Variants in ASB16 observed in about 807,000 individuals in gnomAD.
ASB16 encodes the protein ankyrin repeat and SOCS box protein 16.
Under a neutral mutation model 39.1 loss-of-function variants are expected in ASB16, and 44 were observed. The ratio of observed to expected loss-of-function variants is 1.13; its 90% CI spans 0.88 to 1.45. ASB16 has a LOEUF of 1.45. Among genes scored for constraint, ASB16 ranks in the 40% most tolerant of loss-of-function variants. The pLI, the probability that ASB16 is intolerant of heterozygous loss-of-function variation, is 0.00. For synonymous variants in ASB16, 305 were observed against 286.7 expected (o/e 1.06, Z -0.64); for missense variants, 698 against 634.5 (o/e 1.10, Z -1.07).
rs1241388928 is a variant in ASB16, at chr17:44,172,091, C to G, written c.347C>G (p.Ala116Gly). 6.2e-7 allele frequency: 1 copy of G among 1,611,866 alleles called. No individual in the cohort carries two copies. Among genetic ancestry groups the G allele is most frequent in the South Asian group, 1.1e-5 (1 of 91,024 alleles). Residue 116 changes from alanine to glycine, a missense_variant, in exon 2 of 5, where the codon GCC (alanine) becomes GGC (glycine). Transcript: ENST00000293414. ...TPKTKQTAPLAIATARGYTDC... is the reference protein window; with the variant it reads ...TPKTKQTAPLGIATARGYTDC... ...AAGACCAAGCAGACGGCACCCCTCGCCATCGCTACAGCCCGAGGCTACACA... is the reference window on the plus strand; with the variant it reads ...AAGACCAAGCAGACGGCACCCCTCGGCATCGCTACAGCCCGAGGCTACACA...
chr17:44,170,713 C>G lies in ASB16; in HGVS notation c.-77C>G. 6.8e-7 allele frequency: 1 copy of G among 1,478,814 alleles called. No individual in the cohort carries two copies. The highest frequency in any genetic ancestry group is 9.1e-7 in the Non-Finnish European group (1 of 1,100,840). 91.6% of individuals were successfully genotyped at this position (1,478,814 alleles called of 1,614,324 possible). A position where few individuals can be genotyped will look rare whatever the true frequency, so the allele number is the denominator to read the frequency against. ...CGGTGGCGGGGGCAGGGTGGCTCCTCAGAGCAAGGGAGGTAGTCGGGTCGA... is the reference window on the plus strand; with the variant it reads ...CGGTGGCGGGGGCAGGGTGGCTCCTGAGAGCAAGGGAGGTAGTCGGGTCGA... On this transcript the variant is annotated 5_prime_UTR_variant, in exon 1 of 5. Transcript: ENST00000293414.
intron 4 of ASB16, among the ~76,000 whole-genome samples, 188 bp from the exon 5 acceptor site, chr17:44,178,017 C>A (rs186887502): frequency 1.3e-5 from 2 of 151,826 alleles, no homozygotes; most frequent in East Asian, 3.9e-4. Context: ...ATAGTGGAGA[C>A]CCTTCCCTGA....
intron 2 of ASB16, among the ~76,000 whole-genome samples, chr17:44,175,400 TAAAAAAAAAAA>T (rs10583057): frequency 1.8e-5 from 1 of 56,258 alleles, no homozygotes; most frequent in African/African-American, 6.9e-5. Flanking sequence ...AGACTCCATC[TAAAAAAAAAAA>T]AAAAAAAAAA....
Position 44,177,014 on chromosome 17 carries a change from C to G in ASB16, c.846C>G (p.Arg282=), listed in dbSNP as rs375636137. The change falls in exon 3 of 5, where the codon CGC becomes CGG. Residue 282 remains arginine (R), a synonymous_variant. Coordinates refer to ENST00000293414, the MANE Select transcript of ASB16 (RefSeq NM_080863.5). ...GAGCTGATGCCCGGGCGGCCGGGCG[C>G]AAGCGCCACACGCCGCTGCACAACG... ...EAGADARAAG[R]KRHTPLHNAC... The G allele has an allele frequency of 6.0e-5, 90 of 1,489,964 alleles. 1 individual carries two copies. In the East Asian group the frequency reaches 2.1e-3, roughly 36 times the overall value. 92.3% of individuals were successfully genotyped at this position (1,489,964 alleles called of 1,614,324 possible).
Position 44,178,830 on chromosome 17 carries a change from TC to T in ASB16, c.*441del, listed in dbSNP as rs1226819834. On this transcript the variant is annotated 3_prime_UTR_variant, in exon 5 of 5. Transcript: ENST00000293414. ...GGTCCACCTCACTCCTCCATGGGCT[TC>T]TTGAGACACCTGCTGACCTCTAGCC... 1 of 173,166 alleles carries T rather than the reference TC, an allele frequency of 5.8e-6. No individual in the cohort carries two copies. The allele number at this position is 173,166 out of a possible 1,614,324, so 10.7% of individuals were successfully genotyped here.
chr17:44,177,267 TG>T, intron 3 of ASB16, 37 bp downstream of exon 3: 1 of 1,496,364 alleles, frequency 6.7e-7, no homozygotes, highest in Non-Finnish European at 8.9e-7. Context: ...GGCTCCTGTG[TG>T]GGGGAGCCCG....
Position 44,170,734 on chromosome 17 carries a change from G to T in ASB16, c.-56G>T. The T allele has an allele frequency of 6.6e-7, 1 of 1,521,754 alleles. No homozygotes were observed. Among genetic ancestry groups the T allele is most frequent in the Non-Finnish European group, 8.8e-7 (1 of 1,133,928 alleles). 94.3% of individuals were successfully genotyped at this position (1,521,754 alleles called of 1,614,324 possible). A position where few individuals can be genotyped will look rare whatever the true frequency, so the allele number is the denominator to read the frequency against. The stretch of plus-strand genomic sequence containing the variant: ...TCCTCAGAGCAAGGGAGGTAGTCGG[G>T]TCGAGGGAACCTGGCTCTGCCCAGG... On this transcript the variant is annotated 5_prime_UTR_variant, in exon 1 of 5. Transcript: ENST00000293414.
chr17:44,172,262 C>A lies in ASB16; in HGVS notation c.518C>A (p.Thr173Asn), dbSNP rs151040840. 2.5e-6 allele frequency: 4 copies of A among 1,613,692 alleles called. No individual in the cohort carries two copies. In the African/African-American group the frequency reaches 5.3e-5, roughly 22 times the overall value. ...LTFGAKANVL[T>N]EEGTTPLHLC... ...TTCGGAGCCAAGGCTAATGTGCTGA[C>A]TGAGGAGGGCACGACTCCTTTGCAC... is the stretch of plus-strand genomic sequence containing the variant. The change falls in exon 2 of 5, where the codon ACT becomes AAT. Residue 173 changes from threonine to asparagine, a missense_variant. Transcript: ENST00000293414.
chr17:44,175,399 CTA>C (rs1491378127), intron 2 of ASB16, among the ~76,000 whole-genome samples: 1 of 53,816 alleles, frequency 1.9e-5, no homozygotes, highest in African/African-American at 1.2e-4. Flanking sequence ...GAGACTCCAT[CTA>C]AAAAAAAAAA....
chr17:44,177,502 C>T, intron 3 of ASB16, 107 bp from the exon 4 acceptor site: 3 of 1,405,410 alleles, frequency 2.1e-6, no homozygotes, highest in Non-Finnish European at 2.9e-6. Flanking sequence ...GAGACTCAGA[C>T]CTTAGCCCCC....
chr17:44,176,884 G>T lies in ASB16; in HGVS notation c.716G>T (p.Arg239Leu), dbSNP rs767608688. ...YLEHGADVGL[R>L]TSQGETALNT... ...GAGCATGGCGCCGACGTGGGCCTGC[G>T]CACCAGCCAGGGCGAGACTGCGCTG... Residue 239 changes from arginine (R) to leucine (L), a missense_variant, in exon 3 of 5, where the codon CGC becomes CTC. Arg to Leu is a moderately radical substitution (Grantham distance 102, BLOSUM62 -2). Transcript: ENST00000293414. 5.6e-6 allele frequency: 9 copies of T among 1,602,320 alleles called. No individual in the cohort carries two copies. The highest frequency in any genetic ancestry group is 6.8e-6 in the Non-Finnish European group (8 of 1,176,968).
rs533911371 is a variant in ASB16 at position 44,171,153 on chromosome 17, G to T, written c.301+63G>T. On this transcript the variant is annotated intron_variant, in intron 1 of 4. Transcript: ENST00000293414. Reference sequence around the variant, plus strand: ...AAGAAGGGGAGTGGGTGGGGAAGGGGGAGAGTCTAGGCCCCTCCTTCCCTG... The same window carrying T: ...AAGAAGGGGAGTGGGTGGGGAAGGGTGAGAGTCTAGGCCCCTCCTTCCCTG... 10 of 1,517,854 alleles carry T rather than the reference G, an allele frequency of 6.6e-6. No individual in the cohort carries two copies. The South Asian group carries it at 1.3e-4, about 19-fold the overall frequency. 94.0% of individuals were successfully genotyped at this position (1,517,854 alleles called of 1,614,324 possible). A position where few individuals can be genotyped will look rare whatever the true frequency, so the allele number is the denominator to read the frequency against.
At chr17:44,177,890 C>G (rs2054323570) in intron 4 of ASB16, 168 bp downstream of exon 4, 3 of 904,308 alleles carry the variant, frequency 3.3e-6, no homozygotes, top group African/African-American at 1.7e-5. Context: ...CCAGGCTGAC[C>G]CCTAACTCCA....
intron 2 of ASB16, chr17:44,176,452 G>A (rs2054291314): frequency 5.7e-6 from 3 of 530,194 alleles, no homozygotes; most frequent in Non-Finnish European, 6.8e-6. Flanking sequence ...GGGACTGTCT[G>A]AGGCAGTGAG....
chr17:44,178,084 C>T, intron 4 of ASB16, 121 bp from the exon 5 acceptor site: 1 of 1,027,046 alleles, frequency 9.7e-7, no homozygotes, highest in Non-Finnish European at 1.4e-6. Context: ...GAATCTGAGT[C>T]CTTTGAGACA....
At chr17:44,173,877 ATTTTTTTTTTGG>A (rs1567730900) in intron 2 of ASB16, among the ~76,000 whole-genome samples, 3 of 148,872 alleles carry the variant, frequency 2.0e-5, no homozygotes, top group Non-Finnish European at 4.5e-5. Flanking sequence ...ACAGGGCTAG[ATTTTTTTTTTGG>A]AGACAGGGTC....
At chr17:44,175,114 A>G (rs1408466853) in intron 2 of ASB16, among the ~76,000 whole-genome samples, 1 of 138,080 alleles carries the variant, frequency 7.2e-6, no homozygotes, top group African/African-American at 2.8e-5. Flanking sequence ...AAAAAAAAAA[A>G]AAAGATTGGG....
intron 1 of ASB16, among the ~76,000 whole-genome samples, chr17:44,171,347 C>G (rs879596664): frequency 1.3e-5 from 2 of 151,990 alleles, no homozygotes; most frequent in Non-Finnish European, 2.9e-5. Context: ...AGGCGGATCA[C>G]GAAGTCAGAA....
In ASB16 at chr17:44,170,829, C is replaced by A. The variant is rs533182208; in HGVS notation, c.40C>A (p.Arg14Ser). Residue 14 changes from arginine (R) to serine (S), a missense_variant, in exon 1 of 5, where the codon CGC becomes AGC. By Grantham distance (110) the Arg-to-Ser change is moderately radical. Transcript: ENST00000293414. The stretch of plus-strand genomic sequence containing the variant: ...CTTCCCCTTCACCTCCTCCATGCTG[C>A]GCTCTCTCCGCCTGCAGCAGGAGTG... ...ETFPFTSSML[R>S]SLRLQQEWLE... 3 of 1,610,904 alleles carry A rather than the reference C, an allele frequency of 1.9e-6. No individual in the cohort carries two copies. In the East Asian group the frequency reaches 6.7e-5, roughly 36 times the overall value.
Sources: allele counts gnomAD v4.1 joint callset (sites outside exome capture counted in the v4.1 genomes callset), GRCh38; gene constraint gnomAD v4.1.1; transcripts MANE v1.5; gene names NCBI Gene and HGNC (gene_info 2026-07-23, HGNC 2026-07-21).